Variants in HMGN3 observed in about 807,000 individuals in gnomAD.
HMGN3 encodes the protein high mobility group nucleosomal binding domain 3, also known as high mobility group nucleosome-binding domain-containing protein 3.
HMGN3 carries 6 observed loss-of-function variants against 18.8 expected under a neutral mutation model. The observed-to-expected ratio is 0.32, with a 90% CI of 0.18 to 0.63. The LOEUF is 0.63. Among genes scored for constraint, HMGN3 ranks in the 30% least tolerant of loss-of-function variants. The probability of loss-of-function intolerance (pLI) is 0.79; values close to 1 mark genes in which losing one functional copy is unlikely to be tolerated. For missense variants in HMGN3, 107 were observed against 114.2 expected (o/e 0.94, Z 0.29); for synonymous variants, 40 against 36.5 (o/e 1.10, Z -0.35).
chr6:79,222,029 C>T (rs1777317600), intron 1 of HMGN3, among the ~76,000 whole-genome samples: 1 of 151,546 alleles, frequency 6.6e-6, no homozygotes. Flanking sequence ...TTTACGACTT[C>T]AGCGAATTAG....
intron 2 of HMGN3, among the ~76,000 whole-genome samples, chr6:79,214,390 A>G (rs997117967): frequency 6.6e-6 from 1 of 151,832 alleles, no homozygotes; most frequent in African/African-American, 2.4e-5. Context: ...TTTAGTAGAG[A>G]TGGGGTTTCA....
chr6:79,210,046 T>G (rs1426980080), intron 2 of HMGN3, among the ~76,000 whole-genome samples: 1 of 152,222 alleles, frequency 6.6e-6, no homozygotes, highest in Non-Finnish European at 1.5e-5. Context: ...AGGAGGAGTG[T>G]GTGTCAGATT....
intron 1 of HMGN3, among the ~76,000 whole-genome samples, chr6:79,217,163 T>C (rs1476165947): frequency 6.6e-6 from 1 of 152,154 alleles, no homozygotes; most frequent in Admixed American, 6.5e-5. Context: ...CAAATGAACA[T>C]AAGGCTCTGG....
At chr6:79,234,243 T>C (rs979982321) in intron 1 of HMGN3, 1 of 321,274 alleles carries the variant, frequency 3.1e-6, no homozygotes, top group Non-Finnish European at 5.7e-6. Flanking sequence ...CCTTTCGGAA[T>C]GGAAAGCCGC....
At chr6:79,222,576 G>T (rs544800108) in intron 1 of HMGN3, among the ~76,000 whole-genome samples, 20 of 152,288 alleles carry the variant, frequency 1.3e-4, no homozygotes, top group Admixed American at 9.2e-4. Context: ...TTTACTCAAA[G>T]CCACCAAGCG....
intron 1 of HMGN3, among the ~76,000 whole-genome samples, chr6:79,232,463 C>A (rs1157716042): frequency 1.3e-5 from 2 of 152,176 alleles, no homozygotes; most frequent in Admixed American, 1.3e-4. Flanking sequence ...GGAGAACACT[C>A]TGATGTCCTC....
At chr6:79,202,479 G>A (rs1453028910) in intron 4 of HMGN3, 90 bp from the exon 5 acceptor site, 1 of 1,044,302 alleles carries the variant, frequency 9.6e-7, no homozygotes, top group African/African-American at 1.6e-5. Flanking sequence ...AACACAAGGT[G>A]AAGTACAACC....
chr6:79,231,999 G>A (rs2127843864), intron 1 of HMGN3, among the ~76,000 whole-genome samples: 1 of 152,258 alleles, frequency 6.6e-6, no homozygotes, highest in Admixed American at 6.5e-5. Flanking sequence ...TTGCTCTGCA[G>A]AACAACTTAC....
intron 1 of HMGN3, among the ~76,000 whole-genome samples, chr6:79,219,929 A>G (rs35201024): frequency 0.047 from 7,207 of 152,270 alleles, 198 homozygotes; most frequent in South Asian, 0.1. Flanking sequence ...AAACATTTAT[A>G]ATTTACCAAT....
At chr6:79,202,006 A>G in intron 5 of HMGN3, 57 bp downstream of exon 6, 1 of 1,497,088 alleles carries the variant, frequency 6.7e-7, no homozygotes, top group East Asian at 2.5e-5. Context: ...AAACCACCAC[A>G]CTACTATCTG....
chr6:79,214,668 T>C (rs763063954), intron 2 of HMGN3, among the ~76,000 whole-genome samples: 1 of 152,214 alleles, frequency 6.6e-6, no homozygotes, highest in African/African-American at 2.4e-5. Context: ...CCTATTATCT[T>C]ACTCTTTGCC....
chr6:79,229,049 A>AAGG (rs1321225618), intron 1 of HMGN3, among the ~76,000 whole-genome samples: 1 of 152,274 alleles, frequency 6.6e-6, no homozygotes, highest in African/African-American at 2.4e-5. Context: ...AAGCAATAAA[A>AAGG]TGAATTTAAA....
chr6:79,207,084 C>G (rs543160619), intron 3 of HMGN3, among the ~76,000 whole-genome samples: 1 of 152,282 alleles, frequency 6.6e-6, no homozygotes, highest in African/African-American at 2.4e-5. Context: ...TTTGATTTTA[C>G]AGGCTCACAA....
chr6:79,205,058 T>C (rs1776348372), intron 3 of HMGN3, among the ~76,000 whole-genome samples: 1 of 152,178 alleles, frequency 6.6e-6, no homozygotes, highest in Admixed American at 6.5e-5. Context: ...TAGTCTGTAA[T>C]CCTGCTGGCC....
chr6:79,203,758 T>C lies in HMGN3; in HGVS notation c.97-128A>G, dbSNP rs1240038048. On this transcript the variant is annotated intron_variant, in intron 3 of 5. Transcript: ENST00000344726. The stretch of plus-strand genomic sequence containing the variant: ...ATGGCTTTGGTCATTAAAAAGTATT[T>C]CATCCTATTTTCAGCACCAGGTAAC... 36 of 719,308 alleles carry C rather than the reference T, an allele frequency of 5.0e-5. 1 individual carries two copies. The highest frequency in any genetic ancestry group is 4.1e-4 in the South Asian group (24 of 58,786). 44.6% of individuals were successfully genotyped at this position (719,308 alleles called of 1,614,324 possible).
At chr6:79,226,716 A>G (rs1052944874) in intron 1 of HMGN3, among the ~76,000 whole-genome samples, 10 of 152,202 alleles carry the variant, frequency 6.6e-5, no homozygotes, top group Non-Finnish European at 1.5e-4. Context: ...TTCTCTTAAA[A>G]TATTAAATTT....
At chr6:79,231,857 T>C (rs55775949) in intron 1 of HMGN3, among the ~76,000 whole-genome samples, 2,655 of 152,260 alleles carry the variant, frequency 0.017, 88 homozygotes, top group African/African-American at 0.061. Flanking sequence ...TATTCAACTG[T>C]TTTGTGCTGC....
At position 79,223,903 on chromosome 6, in the gene HMGN3, CCTGA is replaced by C. The variant is rs562154517; in HGVS notation, c.16-8885_16-8882del. Among the ~76,000 whole-genome samples, 24 of 152,228 alleles carry C rather than the reference CCTGA, an allele frequency of 1.6e-4. No individual in the cohort carries two copies. In the East Asian group the frequency reaches 4.3e-3, roughly 27 times the overall value. ...AAGATGGACCTTAAGATCTCACTCACCTGACTAACTTAGCTACTTGTGTACTTAT... is the reference window on the plus strand; with the variant it reads ...AAGATGGACCTTAAGATCTCACTCACCTAACTTAGCTACTTGTGTACTTAT... On this transcript the variant is annotated intron_variant, in intron 1 of 5. Transcript: ENST00000344726.
intron 2 of HMGN3, among the ~76,000 whole-genome samples, chr6:79,209,825 T>G (rs1776598008): frequency 6.6e-6 from 1 of 152,196 alleles, no homozygotes; most frequent in South Asian, 2.1e-4. Flanking sequence ...AACTCATCTT[T>G]CTTTAAACTA....
Sources: gnomAD v4.1 joint callset for allele counts (sites outside exome capture counted in the v4.1 genomes callset) on GRCh38, gnomAD v4.1.1 for gene constraint, MANE v1.5 for transcripts, NCBI Gene and HGNC (gene_info 2026-07-23, HGNC 2026-07-21) for gene names.